LONP1: variants seen among roughly 807,000 people sequenced by gnomAD.
LONP1 encodes the protein lon protease homolog, mitochondrial.
In LONP1, 31 loss-of-function variants were observed where a neutral mutation model predicts 98.5. The ratio of observed to expected loss-of-function variants is 0.31; its 90% CI spans 0.24 to 0.42. LONP1 has a LOEUF of 0.42. Ranked by LOEUF, LONP1 falls within the 20% of genes least tolerant of loss-of-function variation. The pLI is 1.00. For missense variants in LONP1, 1,336 were observed against 1,350.6 expected, an observed-to-expected ratio of 0.99 and a Z score of 0.17; for synonymous variants, 781 against 594.7, an observed-to-expected ratio of 1.31 and a Z score of -4.56.
intron 4 of LONP1, 190 bp from the exon 5 acceptor site, chr19:5,708,593 G>T: frequency 2.4e-6 from 1 of 419,458 alleles, no homozygotes; most frequent in South Asian, 2.6e-5. Context: ...CAGTCCCAGG[G>T]ACACAGGACC....
intron 8 of LONP1, among the ~76,000 whole-genome samples, chr19:5,701,309 GCCTCTGC>G (rs971343033): frequency 1.4e-4 from 22 of 151,960 alleles, no homozygotes; most frequent in Admixed American, 4.6e-4. Context: ...TTCTGCCTCT[GCCTCTGC>G]CCTCTGCCTC....
chr19:5,704,533 G>A (rs2055112435), intron 8 of LONP1, among the ~76,000 whole-genome samples: 1 of 152,192 alleles, frequency 6.6e-6, no homozygotes, highest in African/African-American at 2.4e-5. Context: ...CTGTCCTACG[G>A]CCTGCCCAGC....
intron 7 of LONP1, 99 bp from the exon 8 acceptor site, chr19:5,706,091 A>T: frequency 1.3e-6 from 1 of 763,634 alleles, no homozygotes; most frequent in South Asian, 1.6e-5. Context: ...CCCAGGACTC[A>T]GAGAGAAAAG....
chr19:5,702,027 GA>G (rs989613820), intron 8 of LONP1, among the ~76,000 whole-genome samples: 3 of 151,838 alleles, frequency 2.0e-5, no homozygotes, highest in Admixed American at 6.6e-5. Context: ...ACCCGTCTGA[GA>G]AGTGAGGAGC....
chr19:5,716,985 G>A (rs1233312711), intron 1 of LONP1, among the ~76,000 whole-genome samples: 2 of 152,054 alleles, frequency 1.3e-5, no homozygotes, highest in East Asian at 1.9e-4. Flanking sequence ...TAGTAGAGAC[G>A]GGGTTTCACC....
At chr19:5,695,036 G>T (rs1411140489) in intron 13 of LONP1, 135 bp from the exon 14 acceptor site, 7 of 1,067,968 alleles carry the variant, frequency 6.6e-6, no homozygotes, top group Non-Finnish European at 9.2e-6. Context: ...TGAAACCAGG[G>T]CCTGGACACC....
rs541907191 is a variant in LONP1, at chr19:5,701,051, C to T, written c.1368-124G>A. 1.8e-4 allele frequency: 191 copies of T among 1,056,984 alleles called. 3 individuals are homozygous for T. In the East Asian group the frequency reaches 2.3e-3, roughly 13 times the overall value. The allele number at this position is 1,056,984 out of a possible 1,614,324, so 65.5% of individuals were successfully genotyped here. A position where few individuals can be genotyped will look rare whatever the true frequency, so the allele number is the denominator to read the frequency against. ...GTGTGGGGCTGAGCGCGGTGGCTCA[C>T]GCCTGTAATCCCAGCTCTTTGGGAG... On this transcript the variant is annotated intron_variant, in intron 8 of 17. Transcript: ENST00000360614.
At position 5,719,565 on chromosome 19, in the gene LONP1, C is replaced by G. The variant is rs540966133; in HGVS notation, c.429+139G>C. Reference sequence around the variant, plus strand: ...GGTTCCCAAGCTAGTGGTGAGCAGACAAGGATTCGAACTGCACCCTTCGAG... The same window carrying G: ...GGTTCCCAAGCTAGTGGTGAGCAGAGAAGGATTCGAACTGCACCCTTCGAG... On this transcript the variant is annotated intron_variant, in intron 1 of 17. Transcript: ENST00000360614. The G allele has an allele frequency of 7.9e-4, 1,179 of 1,487,210 alleles. 2 individuals carry two copies. Among genetic ancestry groups the G allele is most frequent in the Non-Finnish European group, 1.0e-3 (1,142 of 1,110,120 alleles). 92.1% of individuals were successfully genotyped at this position (1,487,210 alleles called of 1,614,324 possible).
chr19:5,693,489 T>G, intron 16 of LONP1, 27 bp from the exon 17 acceptor site: 2 of 1,611,324 alleles, frequency 1.2e-6, no homozygotes, highest in Non-Finnish European at 8.5e-7. Context: ...GGATAGTGGG[T>G]GAGCAGGTGG....
In LONP1 at chr19:5,707,779, T is replaced by C; in HGVS notation, c.980A>G (p.Asn327Ser). ...MMQAGQRVVD[N>S]PIYLSDMGAA... ...GCCCATGTCGCTCAGGTAGATGGGG[T>C]TGTCCACCACCCGCTGGCCAGCCTG... Residue 327 changes from asparagine to serine, a missense_variant, in exon 6 of 18, where the codon AAC becomes AGC. Physicochemically the swap from Asn to Ser is conservative, Grantham distance 46. This residue lies in a region of LONP1 where 97 missense variants were observed against 139.0 expected (regional missense o/e 0.70). Transcript: ENST00000360614. 6.2e-7 allele frequency: 1 copy of C among 1,612,596 alleles called. No individual in the cohort carries two copies. The highest frequency in any genetic ancestry group is 8.5e-7 in the Non-Finnish European group (1 of 1,179,774).
intron 6 of LONP1, 83 bp from the exon 7 acceptor site, chr19:5,707,226 CCT>C (rs1244771515): frequency 1.1e-5 from 12 of 1,110,088 alleles, no homozygotes; most frequent in Non-Finnish European, 1.6e-5. Flanking sequence ...AAATGCGCAC[CCT>C]GAGAGATGCT....
intron 8 of LONP1, among the ~76,000 whole-genome samples, chr19:5,702,608 G>T (rs144311026): frequency 3.3e-5 from 5 of 151,870 alleles, no homozygotes; most frequent in Non-Finnish European, 7.4e-5. Context: ...TTGAGAAATC[G>T]GATGGTTGCC....
chr19:5,708,166 C>CG (rs2055177954), intron 5 of LONP1, 176 bp downstream of exon 5: 2 of 658,744 alleles, frequency 3.0e-6, no homozygotes, highest in South Asian at 3.8e-5. Flanking sequence ...GAGTCGGCCC[C>CG]GGGCCTCCCA....
intron 1 of LONP1, among the ~76,000 whole-genome samples, chr19:5,719,358 G>A (rs139090046): frequency 6.6e-6 from 1 of 152,210 alleles, no homozygotes; most frequent in Non-Finnish European, 1.5e-5. Context: ...GGGCGAGGAG[G>A]TATTACAAAA....
rs769141776 is a variant in LONP1, at chr19:5,719,839, C to G, written c.294G>C (p.Gly98=). Residue 98 remains glycine (G), a synonymous_variant, in exon 1 of 18, where the codon GGG becomes GGC. Transcript: ENST00000360614. Reference sequence around the variant, plus strand: ...GGCCTTCCCCGGCGCCCGCGCTGCCCCCCGCGCCGCCGGCTCCTTCCTCCG... The same window carrying G: ...GGCCTTCCCCGGCGCCCGCGCTGCCGCCCGCGCCGCCGGCTCCTTCCTCCG... ...GGAEEGAGGA[G]GSAGAGEGPV... The G allele has an allele frequency of 6.2e-7, 1 of 1,607,950 alleles. No individual in the cohort carries two copies. Among genetic ancestry groups the G allele is most frequent in the Non-Finnish European group, 8.5e-7 (1 of 1,177,832 alleles).
chr19:5,720,204 C>T (rs1432875171), upstream of LONP1: 3 of 1,383,572 alleles, frequency 2.2e-6, no homozygotes, highest in African/African-American at 1.5e-5. Flanking sequence ...TGACGCCCGG[C>T]GCGTGCCTCG....
chr19:5,715,643 TAAAAAAAAAAAAA>T (rs527565499), intron 1 of LONP1, among the ~76,000 whole-genome samples: 7 of 31,098 alleles, frequency 2.3e-4, no homozygotes, highest in East Asian at 2.2e-3. Context: ...CTCTGTCTCA[TAAAAAAAAAAAAA>T]AAAAAAAAAA....
chr19:5,709,611 G>C (rs1482376471), intron 4 of LONP1, among the ~76,000 whole-genome samples: 5 of 151,972 alleles, frequency 3.3e-5, no homozygotes, highest in African/African-American at 1.2e-4. Context: ...CGGGGCACTT[G>C]CTTTAAGAAT....
At position 5,692,050 on chromosome 19, in the gene LONP1, C is replaced by G. The variant is rs763570527; in HGVS notation, c.2862G>C (p.Ala954=). ...GTGGCCGTCACCGTTCCACGGCCAG[C>G]GCCTCTGCCTGCTCGTCCGGGAAGG... ...DIAFPDEQAE[A]LAVER is the part of the protein sequence containing the mutation. Residue 954 remains alanine (A), a synonymous_variant, in exon 18 of 18, where the codon GCG becomes GCC. Transcript: ENST00000360614. The G allele has an allele frequency of 8.4e-5, 135 of 1,612,968 alleles. No individual in the cohort carries two copies. The highest frequency in any genetic ancestry group is 1.1e-4 in the Non-Finnish European group (131 of 1,179,452).
Sources: gnomAD v4.1 joint callset for allele counts (sites outside exome capture counted in the v4.1 genomes callset) on GRCh38, gnomAD v4.1.1 for gene constraint, gnomAD v4.1.1 regional missense constraint, MANE v1.5 for transcripts, NCBI Gene and HGNC (gene_info 2026-07-23, HGNC 2026-07-21) for gene names.